The following ARHGAP24 variants were observed in gnomAD, a reference collection of about 807,000 sequenced individuals.
The protein encoded by ARHGAP24 is rho GTPase-activating protein 24.
A neutral mutation model predicts 76.4 loss-of-function variants in ARHGAP24; 50 were observed. The observed-to-expected ratio is 0.65, with a 90% CI of 0.52 to 0.83. ARHGAP24 has a LOEUF of 0.83. ARHGAP24 is among the 40% of genes least tolerant of loss of function. ARHGAP24 has a pLI of 0.00. For missense variants in ARHGAP24, 930 were observed against 914.2 expected (o/e 1.02, Z -0.22); for synonymous variants, 345 against 323.3 (o/e 1.07, Z -0.72).
intron 2 of ARHGAP24, among the ~76,000 whole-genome samples, chr4:85,668,508 G>T (rs538534343): frequency 4.6e-5 from 7 of 152,316 alleles, no homozygotes; most frequent in African/African-American, 1.7e-4. Flanking sequence ...ACACTGACAA[G>T]TACAGGTTAC....
chr4:85,749,810 A>G (rs1434574838), intron 3 of ARHGAP24, among the ~76,000 whole-genome samples: 2 of 151,996 alleles, frequency 1.3e-5, no homozygotes, highest in East Asian at 3.9e-4. Context: ...CAGGTGATTC[A>G]CCCACCTCAG....
intron 2 of ARHGAP24, among the ~76,000 whole-genome samples, chr4:85,586,200 G>T (rs191756227): frequency 8.6e-4 from 126 of 147,124 alleles, no homozygotes; most frequent in African/African-American, 3.0e-3. Context: ...TCCCAGTGGA[G>T]TGGTAAGAAT....
chr4:85,765,012 T>G (rs911477740), intron 3 of ARHGAP24, among the ~76,000 whole-genome samples: 11 of 152,120 alleles, frequency 7.2e-5, no homozygotes, highest in African/African-American at 2.7e-4. Context: ...ATATTAACTT[T>G]GAGGTTTGTC....
At chr4:85,833,232 A>G (rs900379851) in intron 3 of ARHGAP24, among the ~76,000 whole-genome samples, 4 of 152,162 alleles carry the variant, frequency 2.6e-5, no homozygotes, top group Non-Finnish European at 5.9e-5. Context: ...ATGACAATGG[A>G]ATGACACACT....
intron 1 of ARHGAP24, among the ~76,000 whole-genome samples, chr4:85,488,524 A>G (rs1467149375): frequency 1.3e-5 from 2 of 152,172 alleles, no homozygotes; most frequent in Non-Finnish European, 2.9e-5. Flanking sequence ...GAAAACAGCT[A>G]TTACCATCTC....
intron 3 of ARHGAP24, among the ~76,000 whole-genome samples, chr4:85,841,330 C>T (rs1730585503): frequency 6.6e-6 from 1 of 152,184 alleles, no homozygotes; most frequent in Non-Finnish European, 1.5e-5. Flanking sequence ...GCCAGCAGAG[C>T]ACAGTGCTGA....
chr4:85,670,923 C>A (rs978827499), intron 2 of ARHGAP24, among the ~76,000 whole-genome samples: 2 of 152,090 alleles, frequency 1.3e-5, no homozygotes, highest in Non-Finnish European at 2.9e-5. Flanking sequence ...AAAGTCTTTA[C>A]CCAAGACCTA....
chr4:85,487,465 T>TATTATATAAAC (rs1723130159), intron 1 of ARHGAP24, among the ~76,000 whole-genome samples: 1 of 32,452 alleles, frequency 3.1e-5, no homozygotes, highest in Non-Finnish European at 9.4e-5. Context: ...TATATAAACA[T>TATTATATAAAC]ATATTTATTA....
intron 2 of ARHGAP24, among the ~76,000 whole-genome samples, chr4:85,579,623 T>C (rs1490684301): frequency 6.6e-6 from 1 of 151,996 alleles, no homozygotes; most frequent in African/African-American, 2.4e-5. Flanking sequence ...TATTTATCAA[T>C]TATAAACTAT....
chr4:85,915,496 G>A (rs1290194632), intron 3 of ARHGAP24, among the ~76,000 whole-genome samples: 2 of 152,070 alleles, frequency 1.3e-5, no homozygotes, highest in African/African-American at 4.8e-5. Flanking sequence ...AGGTATACAC[G>A]TGCCATGGTG....
chr4:85,958,830 C>T (rs1411913442), intron 5 of ARHGAP24, among the ~76,000 whole-genome samples: 9 of 152,202 alleles, frequency 5.9e-5, no homozygotes, highest in Non-Finnish European at 8.8e-5. Context: ...TCCTCAGCTC[C>T]TCTTCCTTCC....
chr4:85,650,185 G>C (rs1721882953), intron 2 of ARHGAP24, among the ~76,000 whole-genome samples: 1 of 137,550 alleles, frequency 7.3e-6, no homozygotes, highest in South Asian at 2.1e-4. Context: ...CAAATGTTGT[G>C]CCATGAAAGA....
At chr4:85,826,919 C>T (rs760914660) in intron 3 of ARHGAP24, among the ~76,000 whole-genome samples, 3 of 152,126 alleles carry the variant, frequency 2.0e-5, no homozygotes, top group South Asian at 2.1e-4. Flanking sequence ...AAAATATATA[C>T]AACTAAGAAG....
At chr4:85,811,461 A>G (rs1321313065) in intron 3 of ARHGAP24, among the ~76,000 whole-genome samples, 1 of 152,174 alleles carries the variant, frequency 6.6e-6, no homozygotes, top group African/African-American at 2.4e-5. Context: ...GAAACTTAAT[A>G]TGCAAGGGGA....
At chr4:85,922,139 T>C (rs867730208) in intron 3 of ARHGAP24, among the ~76,000 whole-genome samples, 6 of 152,334 alleles carry the variant, frequency 3.9e-5, no homozygotes, top group Admixed American at 6.5e-5. Context: ...TTTTGAGCCC[T>C]TCCTCTGTTC....
chr4:85,669,230 G>A (rs576731129), intron 2 of ARHGAP24, among the ~76,000 whole-genome samples: 13 of 148,296 alleles, frequency 8.8e-5, no homozygotes, highest in Admixed American at 4.7e-4. Flanking sequence ...CACTCCTGAG[G>A]CAAGTTATCT....
intron 2 of ARHGAP24, among the ~76,000 whole-genome samples, chr4:85,575,533 A>G (rs2109967161): frequency 6.6e-6 from 1 of 152,328 alleles, no homozygotes; most frequent in South Asian, 2.1e-4. Flanking sequence ...TTGGATACCT[A>G]TTAGAAAGGA....
At chr4:85,725,742 G>T (rs1004916235) in intron 3 of ARHGAP24, among the ~76,000 whole-genome samples, 3 of 152,200 alleles carry the variant, frequency 2.0e-5, no homozygotes, top group African/African-American at 4.8e-5. Context: ...ACAGCGAAAG[G>T]CCTCAAAGGC....
At chr4:85,765,236 T>C (rs1219560698) in intron 3 of ARHGAP24, among the ~76,000 whole-genome samples, 2 of 152,162 alleles carry the variant, frequency 1.3e-5, no homozygotes, top group African/African-American at 4.8e-5. Flanking sequence ...CGTAATATGG[T>C]AAGCCTGACT....
Sources: allele counts gnomAD v4.1 joint callset (sites outside exome capture counted in the v4.1 genomes callset), GRCh38; gene constraint gnomAD v4.1.1; transcripts MANE v1.5; gene names NCBI Gene and HGNC (gene_info 2026-07-23, HGNC 2026-07-21).